The following MARK1 variants were observed in gnomAD, a reference collection of about 807,000 sequenced individuals.
MARK1 encodes serine/threonine-protein kinase MARK1.
Under a neutral mutation model 96.3 loss-of-function variants are expected in MARK1, and 40 were observed. The ratio of observed to expected loss-of-function variants is 0.42; its 90% CI spans 0.32 to 0.54. The LOEUF is 0.54. Ranked by LOEUF, MARK1 falls within the 20% of genes least tolerant of loss-of-function variation. MARK1 has a pLI of 0.16. For synonymous variants in MARK1, 317 were observed against 341.2 expected, an observed-to-expected ratio of 0.93 and a Z score of 0.78; for missense variants, 719 against 984.6, an observed-to-expected ratio of 0.73 and a Z score of 3.61.
intron 1 of MARK1, among the ~76,000 whole-genome samples, chr1:220,548,773 A>ATAATAAT (rs1273675042): frequency 1.3e-5 from 2 of 152,096 alleles, no homozygotes; most frequent in African/African-American, 4.8e-5. Context: ...AAATATAATA[A>ATAATAAT]TAATAATTAA....
intron 14 of MARK1, among the ~76,000 whole-genome samples, chr1:220,651,033 A>T (rs1165646656): frequency 6.6e-6 from 1 of 152,152 alleles, no homozygotes; most frequent in Non-Finnish European, 1.5e-5. Context: ...TTATTCTCTT[A>T]TGCACCTGCT....
chr1:220,615,858 T>A (rs1026609953), intron 6 of MARK1, 81 bp from the exon 7 acceptor site: 6 of 726,794 alleles, frequency 8.3e-6, no homozygotes, highest in Non-Finnish European at 1.4e-5. Flanking sequence ...GAATTAGTAA[T>A]TTATCTAAAT....
intron 1 of MARK1, among the ~76,000 whole-genome samples, chr1:220,548,010 C>T (rs547907214): frequency 6.6e-6 from 1 of 152,364 alleles, no homozygotes; most frequent in East Asian, 1.9e-4. Flanking sequence ...TTAAAAACAG[C>T]AAGAGTATGT....
intron 6 of MARK1, among the ~76,000 whole-genome samples, chr1:220,610,381 C>T (rs1458952398): frequency 1.3e-5 from 2 of 152,306 alleles, no homozygotes; most frequent in East Asian, 1.9e-4. Flanking sequence ...AGTTCTCGCA[C>T]CATGGTTTTC....
chr1:220,600,892 C>CTTTTTTT (rs11417176), intron 5 of MARK1, among the ~76,000 whole-genome samples: 18 of 144,260 alleles, frequency 1.2e-4, no homozygotes, highest in Non-Finnish European at 1.7e-4. Context: ...TTTTCTTTTT[C>CTTTTTTT]TTTTTTTTTT....
chr1:220,539,706 C>T (rs1231404070), intron 1 of MARK1, among the ~76,000 whole-genome samples: 4 of 151,132 alleles, frequency 2.6e-5, no homozygotes, highest in Non-Finnish European at 1.5e-5. Context: ...TCCTCGTATC[C>T]TAGGGATAAT....
chr1:220,528,718 G>T lies in MARK1; in HGVS notation c.-105G>T, dbSNP rs887239655. ...GCCCCGCGGCCTGCGGGAGCCGCTC[G>T]CCCCGGCCTTGTGCTCGCGTCCGCA... On this transcript the variant is annotated 5_prime_UTR_variant, in exon 1 of 18. Coordinates refer to ENST00000366917, the MANE Select transcript of MARK1 (RefSeq NM_018650.5). The T allele has an allele frequency of 2.0e-6, 2 of 1,021,578 alleles. No individual in the cohort carries two copies. The highest frequency in any genetic ancestry group is 1.8e-5 in the South Asian group (1 of 54,358). 63.3% of individuals were successfully genotyped at this position (1,021,578 alleles called of 1,614,324 possible).
At chr1:220,595,945 G>A (rs1572146586) in intron 3 of MARK1, among the ~76,000 whole-genome samples, 1 of 152,182 alleles carries the variant, frequency 6.6e-6, no homozygotes, top group African/African-American at 2.4e-5. Context: ...TAAAGTTTCA[G>A]TTATTAGGGT....
At chr1:220,593,937 G>A (rs1406956706) in intron 3 of MARK1, among the ~76,000 whole-genome samples, 1 of 152,136 alleles carries the variant, frequency 6.6e-6, no homozygotes, top group Non-Finnish European at 1.5e-5. Context: ...TGACCTGAGG[G>A]CACGCCACTC....
chr1:220,646,732 A>T (rs972976877), intron 13 of MARK1, among the ~76,000 whole-genome samples: 33 of 152,142 alleles, frequency 2.2e-4, no homozygotes, highest in Non-Finnish European at 1.8e-4. Context: ...CAGAATAGAG[A>T]ACTCAGAAAT....
At chr1:220,642,646 G>A (rs767544730) in intron 13 of MARK1, among the ~76,000 whole-genome samples, 3 of 152,180 alleles carry the variant, frequency 2.0e-5, no homozygotes, top group Non-Finnish European at 2.9e-5. Flanking sequence ...CCTTAAGGAC[G>A]TCCGTGATAC....
intron 1 of MARK1, among the ~76,000 whole-genome samples, chr1:220,543,548 C>T (rs1017535915): frequency 2.0e-5 from 3 of 152,134 alleles, no homozygotes; most frequent in African/African-American, 7.2e-5. Context: ...CCATTCTATG[C>T]CACAGAGTTT....
intron 9 of MARK1, among the ~76,000 whole-genome samples, chr1:220,629,658 T>C (rs548406224): frequency 6.6e-6 from 1 of 152,332 alleles, no homozygotes; most frequent in South Asian, 2.1e-4. Context: ...TTTATGTTCC[T>C]ATGAGTTTAA....
chr1:220,635,373 T>C lies in MARK1; in HGVS notation c.1123-3T>C. 1.3e-6 allele frequency: 2 copies of C among 1,575,738 alleles called. No homozygotes were observed. Among genetic ancestry groups the C allele is most frequent in the Non-Finnish European group, 1.7e-6 (2 of 1,169,696 alleles). ...AAAATCCCTGTGGTTTTTCTTCTTA[T>C]AGTTTGAAGGTGGTGAATCGTTATC... is the stretch of plus-strand genomic sequence containing the variant. On this transcript the variant is annotated splice_region_variant and splice_polypyrimidine_tract_variant and intron_variant, in intron 11 of 17. Coordinates refer to ENST00000366917, the MANE Select transcript of MARK1 (RefSeq NM_018650.5).
intron 13 of MARK1, among the ~76,000 whole-genome samples, chr1:220,636,751 G>A (rs559958904): frequency 9.9e-5 from 15 of 152,004 alleles, no homozygotes; most frequent in South Asian, 2.1e-4. Context: ...CAGAGTCAGC[G>A]CAGACGACCT....
At chr1:220,650,172 T>A (rs1012599112) in intron 13 of MARK1, among the ~76,000 whole-genome samples, 1 of 152,118 alleles carries the variant, frequency 6.6e-6, no homozygotes, top group Non-Finnish European at 1.5e-5. Context: ...TTGAGAGAGT[T>A]TCCCAAGCAG....
chr1:220,549,903 A>G (rs1661747502), intron 1 of MARK1, among the ~76,000 whole-genome samples: 1 of 152,240 alleles, frequency 6.6e-6, no homozygotes, highest in South Asian at 2.1e-4. Flanking sequence ...TTTTGTAATA[A>G]TAGATGTTCA....
At chr1:220,534,473 A>G (rs1417272216) in intron 1 of MARK1, among the ~76,000 whole-genome samples, 1 of 151,996 alleles carries the variant, frequency 6.6e-6, no homozygotes. Flanking sequence ...TTTGTTAACC[A>G]CCAATCTACT....
chr1:220,528,604 C>G lies in MARK1; in HGVS notation c.-219C>G. The G allele has an allele frequency of 2.0e-6, 1 of 492,284 alleles. No individual in the cohort carries two copies. The highest frequency in any genetic ancestry group is 3.6e-6 in the Non-Finnish European group (1 of 280,286). The allele number at this position is 492,284 out of a possible 1,614,324, so 30.5% of individuals were successfully genotyped here. A position where few individuals can be genotyped will look rare whatever the true frequency, so the allele number is the denominator to read the frequency against. ...CCCTCCCTCGTTACTGTCCGCATAC[C>G]CCGGCGGCGCCGCCGCGGGAAGCGG... On this transcript the variant is annotated 5_prime_UTR_variant, in exon 1 of 18. Transcript: ENST00000366917.
Sources: gnomAD v4.1 joint callset for allele counts (sites outside exome capture counted in the v4.1 genomes callset) on GRCh38, gnomAD v4.1.1 for gene constraint, MANE v1.5 for transcripts, NCBI Gene and HGNC (gene_info 2026-07-23, HGNC 2026-07-21) for gene names.